Variants in BRIP1 observed in about 807,000 individuals in gnomAD.
BRIP1 encodes BRCA1 interacting DNA helicase 1.
In BRIP1, 88 loss-of-function variants were observed where a neutral mutation model predicts 119.7. That is an observed-to-expected ratio of 0.74 (90% CI 0.62 to 0.88). BRIP1 has a LOEUF of 0.88. Ranked by LOEUF, BRIP1 falls within the 40% of genes least tolerant of loss-of-function variation. BRIP1 has a pLI of 0.00. For synonymous variants in BRIP1, 443 were observed against 496.5 expected (o/e 0.89, Z 1.43); for missense variants, 1,259 against 1,455.4 (o/e 0.87, Z 2.20).
rs2077847207 is a variant in BRIP1 at position 61,793,311 on chromosome 17, T to G, written c.1473+286A>C. On this transcript the variant is annotated intron_variant, in intron 10 of 19. Transcript: ENST00000259008. This position sits in a 1 kb window ranked among gnomAD's most constrained non-coding sequence, Gnocchi z 5.2. ...TAAAATTTTAACTTTTACAATTGAC[T>G]AAGTAAGTCTACAACCTAAAAATAT... is the stretch of plus-strand genomic sequence containing the variant. 6.6e-6 allele frequency among the ~76,000 whole-genome samples: 1 copy of G among 152,112 alleles called. No individual in the cohort carries two copies. The highest frequency in any genetic ancestry group is 1.5e-5 in the Non-Finnish European group (1 of 67,978).
chr17:61,763,525 G>A (rs1489549201), intron 14 of BRIP1, among the ~76,000 whole-genome samples: 1 of 151,960 alleles, frequency 6.6e-6, no homozygotes, highest in East Asian at 1.9e-4. Flanking sequence ...ATCTACACTA[G>A]GCAAGCAAGG....
At position 61,802,615 on chromosome 17, in the gene BRIP1, C is replaced by A. The variant is rs1005694141; in HGVS notation, c.919-1141G>T. Among the ~76,000 whole-genome samples, 1 of 152,208 alleles carries A rather than the reference C, an allele frequency of 6.6e-6. No homozygotes were observed. The highest frequency in any genetic ancestry group is 2.4e-5 in the African/African-American group (1 of 41,464). On this transcript the variant is annotated intron_variant, in intron 7 of 19. Coordinates refer to ENST00000259008, the MANE Select transcript of BRIP1 (RefSeq NM_032043.3). This position sits in a 1 kb window ranked among gnomAD's most constrained non-coding sequence, Gnocchi z 6.0. Reference sequence around the variant, plus strand: ...AATCATACAAGGAAAATCTTGACATCACTAAGCATCTTTTCGTTGCTGCTC... The same window carrying A: ...AATCATACAAGGAAAATCTTGACATAACTAAGCATCTTTTCGTTGCTGCTC...
rs1248999378 is a variant in BRIP1, at chr17:61,742,151, A to T, written c.2379+862T>A. Among the ~76,000 whole-genome samples, 1 of 152,202 alleles carries T rather than the reference A, an allele frequency of 6.6e-6. No individual in the cohort carries two copies. The highest frequency in any genetic ancestry group is 1.9e-4 in the East Asian group (1 of 5,206). On this transcript the variant is annotated intron_variant, in intron 16 of 19. Coordinates refer to ENST00000259008, the MANE Select transcript of BRIP1 (RefSeq NM_032043.3). The surrounding 1 kb of genome is among the most constrained non-coding windows in gnomAD (Gnocchi z 4.7). ...AGCTTCTTTCCTTAAACCTCATGAA[A>T]CAACCTCTGCTAGCTTCAAACTTTT...
Position 61,708,211 on chromosome 17 carries a change from C to T in BRIP1, c.2492+7740G>A, listed in dbSNP as rs1412103416. On this transcript the variant is annotated intron_variant, in intron 17 of 19. Coordinates refer to ENST00000259008, the MANE Select transcript of BRIP1 (RefSeq NM_032043.3). This position sits in a 1 kb window ranked among gnomAD's most constrained non-coding sequence, Gnocchi z 4.4. ...AATCTTGCCTATGGTCAAAGTTACT[C>T]ACGGTCAAATGTAGTCCAAAAATAT... 6.6e-6 allele frequency among the ~76,000 whole-genome samples: 1 copy of T among 152,168 alleles called. No homozygotes were observed. Among genetic ancestry groups the T allele is most frequent in the Non-Finnish European group, 1.5e-5 (1 of 68,024 alleles).
chr17:61,728,470 G>A (rs566264895), intron 16 of BRIP1, among the ~76,000 whole-genome samples: 3 of 152,242 alleles, frequency 2.0e-5, no homozygotes, highest in Admixed American at 6.5e-5. Context: ...AACATAAAAG[G>A]TAGATGGACA....
In BRIP1 at chr17:61,801,396, T is replaced by C. The variant is rs757196702; in HGVS notation, c.997A>G (p.Lys333Glu). 6.2e-7 allele frequency: 1 copy of C among 1,614,062 alleles called. No homozygotes were observed. Among genetic ancestry groups the C allele is most frequent in the Non-Finnish European group, 8.5e-7 (1 of 1,179,934 alleles). ...ACAAGTTCTTCTATATCCCAGGCTTTGCACATCCCTTGGAAAGTCTGTAAT... is the reference window on the plus strand; with the variant it reads ...ACAAGTTCTTCTATATCCCAGGCTTCGCACATCCCTTGGAAAGTCTGTAAT... ...HTLQTFQGMC[K>E]AWDIEELVSL... Residue 333 changes from lysine (K) to glutamate (E), a missense_variant, in exon 8 of 20, where the codon AAA becomes GAA. Around this residue, in one of 3 missense-constraint regions of BRIP1, gnomAD observed 501 missense variants for 544.0 expected, o/e 0.92. Coordinates refer to ENST00000259008, the MANE Select transcript of BRIP1 (RefSeq NM_032043.3).
In BRIP1 at chr17:61,769,179, C is replaced by T. The variant is rs1194095633; in HGVS notation, c.2097+7222G>A. 6.6e-6 allele frequency among the ~76,000 whole-genome samples: 1 copy of T among 152,180 alleles called. No homozygotes were observed. The highest frequency in any genetic ancestry group is 1.5e-5 in the Non-Finnish European group (1 of 68,020). Reference sequence around the variant, plus strand: ...TTAGTGAGACCACAACCCCAGTTGACTCTGCTGGGAGCCTTGTAATACACT... The same window carrying T: ...TTAGTGAGACCACAACCCCAGTTGATTCTGCTGGGAGCCTTGTAATACACT... On this transcript the variant is annotated intron_variant, in intron 14 of 19. Coordinates refer to ENST00000259008, the MANE Select transcript of BRIP1 (RefSeq NM_032043.3). The surrounding 1 kb of genome is among the most constrained non-coding windows in gnomAD (Gnocchi z 4.9).
In BRIP1 at chr17:61,680,048, T is replaced by C. The variant is rs1454413670; in HGVS notation, c.*3248A>G. On this transcript the variant is annotated 3_prime_UTR_variant, in exon 20 of 20. Coordinates refer to ENST00000259008, the MANE Select transcript of BRIP1 (RefSeq NM_032043.3). ...AGGGAGAATTAAATTTTGGAAAGAATAAAAAATATCTAGGCCAGGCATGGT... is the reference window on the plus strand; with the variant it reads ...AGGGAGAATTAAATTTTGGAAAGAACAAAAAATATCTAGGCCAGGCATGGT... Among the ~76,000 whole-genome samples the C allele has an allele frequency of 6.6e-6, 1 of 151,930 alleles. No individual in the cohort carries two copies. The highest frequency in any genetic ancestry group is 1.5e-5 in the Non-Finnish European group (1 of 67,970).
rs2077225984 is a variant in BRIP1, at chr17:61,758,211, T to C, written c.2098-13620A>G. Among the ~76,000 whole-genome samples the C allele has an allele frequency of 6.6e-6, 1 of 152,228 alleles. No individual in the cohort carries two copies. The highest frequency in any genetic ancestry group is 2.4e-5 in the African/African-American group (1 of 41,456). ...GAAGAACTGTTGACTGAGTTAATAA[T>C]GTTGGCTAAAATCTGAATGTATAAA... is the stretch of plus-strand genomic sequence containing the variant. On this transcript the variant is annotated intron_variant, in intron 14 of 19. Coordinates refer to ENST00000259008, the MANE Select transcript of BRIP1 (RefSeq NM_032043.3). This position sits in a 1 kb window ranked among gnomAD's most constrained non-coding sequence, Gnocchi z 5.3.
At chr17:61,801,124 TA>T in intron 8 of BRIP1, 128 bp downstream of exon 8, 1 of 819,256 alleles carries the variant, frequency 1.2e-6, no homozygotes, top group Non-Finnish European at 2.0e-6. Flanking sequence ...TTCAGTACTC[TA>T]ATATGTTTAC....
At position 61,708,951 on chromosome 17, in the gene BRIP1, T is replaced by G. The variant is rs1272217923; in HGVS notation, c.2492+7000A>C. 1.3e-5 allele frequency among the ~76,000 whole-genome samples: 2 copies of G among 152,202 alleles called. No homozygotes were observed. Among genetic ancestry groups the G allele is most frequent in the Non-Finnish European group, 2.9e-5 (2 of 68,034 alleles). On this transcript the variant is annotated intron_variant, in intron 17 of 19. Transcript: ENST00000259008. This position sits in a 1 kb window ranked among gnomAD's most constrained non-coding sequence, Gnocchi z 4.4. ...ACATTCAGTATGTAAAATCCCCGTATATAATATTAACCTCCATCTTTAATA... is the reference window on the plus strand; with the variant it reads ...ACATTCAGTATGTAAAATCCCCGTAGATAATATTAACCTCCATCTTTAATA...
At position 61,729,194 on chromosome 17, in the gene BRIP1, G is replaced by A. The variant is rs566048134; in HGVS notation, c.2380-13131C>T. On this transcript the variant is annotated intron_variant, in intron 16 of 19. Transcript: ENST00000259008. This position sits in a 1 kb window ranked among gnomAD's most constrained non-coding sequence, Gnocchi z 5.6. ...CTCGGGAGGCTGAGGCAGGAGGATC[G>A]CTTGAGCCTGGGAGGTGGAGGTTGT... is the stretch of plus-strand genomic sequence containing the variant. 3.2e-4 allele frequency among the ~76,000 whole-genome samples: 49 copies of A among 152,144 alleles called. No individual in the cohort carries two copies. The highest frequency in any genetic ancestry group is 1.2e-3 in the African/African-American group (48 of 41,518).
At chr17:61,801,139 A>T (rs112694757) in intron 8 of BRIP1, 114 bp downstream of exon 8, 1 of 948,064 alleles carries the variant, frequency 1.1e-6, no homozygotes. Flanking sequence ...TGTTTACACA[A>T]ATTTATTTAC....
In BRIP1 at chr17:61,735,687, G is replaced by GCTAC. The variant is rs2076908149; in HGVS notation, c.2379+7322_2379+7325dup. On this transcript the variant is annotated intron_variant, in intron 16 of 19. Transcript: ENST00000259008. The surrounding 1 kb of genome is among the most constrained non-coding windows in gnomAD (Gnocchi z 4.4). ...GTGGTGGCGTGTGGCTGTAGTGCCA[G>GCTAC]CTACCCAGGAGGCTGAGGTGGGAGG... 6.6e-6 allele frequency among the ~76,000 whole-genome samples: 1 copy of GCTAC among 151,922 alleles called. No homozygotes were observed. The highest frequency in any genetic ancestry group is 2.4e-5 in the African/African-American group (1 of 41,350).
At chr17:61,833,531 C>T (rs945713027) in intron 6 of BRIP1, among the ~76,000 whole-genome samples, 2 of 152,020 alleles carry the variant, frequency 1.3e-5, no homozygotes, top group Admixed American at 1.3e-4. Context: ...ATTAGCCAGG[C>T]ATGGTGGCAG....
intron 2 of BRIP1, 53 bp from the exon 3 acceptor site, chr17:61,859,960 C>A: frequency 8.1e-7 from 1 of 1,235,428 alleles, no homozygotes; most frequent in South Asian, 1.2e-5. Context: ...TTATAAAGGT[C>A]TCTCTCCATC....
At chr17:61,817,351 G>A (rs1219981253) in intron 6 of BRIP1, among the ~76,000 whole-genome samples, 1 of 152,134 alleles carries the variant, frequency 6.6e-6, no homozygotes, top group Non-Finnish European at 1.5e-5. Context: ...CCTATCTCTT[G>A]AGATTGCAGG....
Position 61,822,838 on chromosome 17 carries a change from C to A in BRIP1, c.628-14081G>T, listed in dbSNP as rs1477014573. Among the ~76,000 whole-genome samples, 4 of 151,898 alleles carry A rather than the reference C, an allele frequency of 2.6e-5. No homozygotes were observed. The South Asian group carries it at 8.3e-4, about 32-fold the overall frequency. ...TTTCAGTTTAAAGGTGGGACGGTTC[C>A]AAATGACAACGAAGTCCCATGTGTA... On this transcript the variant is annotated intron_variant, in intron 6 of 19. Transcript: ENST00000259008. This position sits in a 1 kb window ranked among gnomAD's most constrained non-coding sequence, Gnocchi z 4.4.
intron 17 of BRIP1, among the ~76,000 whole-genome samples, chr17:61,696,655 A>G (rs2061525575): frequency 6.7e-6 from 1 of 148,760 alleles, no homozygotes; most frequent in South Asian, 2.2e-4. Context: ...ACTGCATTCC[A>G]GCCTGAGTGA....
Sources: gnomAD v4.1 joint callset for allele counts (sites outside exome capture counted in the v4.1 genomes callset) on GRCh38, gnomAD v4.1.1 for gene constraint, gnomAD v4.1.1 regional missense constraint, Gnocchi (gnomAD v3.1) non-coding constraint, MANE v1.5 for transcripts, NCBI Gene and HGNC (gene_info 2026-07-23, HGNC 2026-07-21) for gene names.